The following INO80 variants were observed in gnomAD, a reference collection of about 807,000 sequenced individuals.
The protein encoded by INO80 is chromatin-remodeling ATPase INO80.
Under a neutral mutation model 203.4 loss-of-function variants are expected in INO80, and 20 were observed. The observed-to-expected ratio is 0.10, with a 90% CI of 0.07 to 0.14. The LOEUF (loss-of-function observed/expected upper bound fraction) is 0.14. Among genes scored for constraint, INO80 ranks in the 10% least tolerant of loss-of-function variants. The pLI is 1.00. For synonymous variants in INO80, 726 were observed against 685.2 expected (o/e 1.06, Z -0.93); for missense variants, 1,419 against 1,914.4 (o/e 0.74, Z 4.83).
chr15:40,984,148 T>C, intron 33 of INO80, 49 bp downstream of exon 33: 1 of 1,587,384 alleles, frequency 6.3e-7, no homozygotes, highest in Non-Finnish European at 8.6e-7. Context: ...TGCTACACGG[T>C]CAGGACACTC....
intron 24 of INO80, among the ~76,000 whole-genome samples, chr15:41,032,286 AG>A (rs2044499970): frequency 6.6e-6 from 1 of 152,234 alleles, no homozygotes; most frequent in African/African-American, 2.4e-5. Context: ...TGTCAAATTT[AG>A]ATACAGAGGA....
At chr15:41,041,599 C>G (rs2013359) in intron 24 of INO80, among the ~76,000 whole-genome samples, 22,721 of 151,692 alleles carry the variant, frequency 0.15, 1,948 homozygotes, top group South Asian at 0.26. Context: ...CACCGCCACG[C>G]CCAGCTAATT....
chr15:41,096,358 A>G lies in INO80; in HGVS notation c.-43-5T>C. 6.6e-7 allele frequency: 1 copy of G among 1,509,878 alleles called. No individual in the cohort carries two copies. Among genetic ancestry groups the G allele is most frequent in the East Asian group, 2.4e-5 (1 of 41,082 alleles). 93.5% of individuals were successfully genotyped at this position (1,509,878 alleles called of 1,614,324 possible). ...CAAGGACCTCCGACTGCACGGCTGC[A>G]GAACAGAGATAAGAAGTGAAAGATG... On this transcript the variant is annotated splice_region_variant and splice_polypyrimidine_tract_variant and intron_variant, in intron 1 of 35. Transcript: ENST00000648947.
intron 24 of INO80, among the ~76,000 whole-genome samples, chr15:41,040,885 A>G (rs2044655426): frequency 6.6e-6 from 1 of 152,210 alleles, no homozygotes; most frequent in South Asian, 2.1e-4. Flanking sequence ...AGAAAAATAC[A>G]GTCAGCCCAA....
chr15:40,981,760 T>C (rs1893841278), intron 35 of INO80, among the ~76,000 whole-genome samples: 1 of 152,210 alleles, frequency 6.6e-6, no homozygotes, highest in South Asian at 2.1e-4. Flanking sequence ...ACAGCCACTT[T>C]TTTCCTCAAA....
chr15:41,005,515 A>T, intron 28 of INO80, 78 bp downstream of exon 28: 3 of 514,492 alleles, frequency 5.8e-6, no homozygotes, highest in South Asian at 2.9e-5. Context: ...CTGGCATTTA[A>T]AAAAAAAAAA....
In INO80 at chr15:41,034,931, G is replaced by C. The variant is rs73401605; in HGVS notation, c.2908-7195C>G. ...AAGTTACATAATCAGAACTAATGTG[G>C]CAAATTAAATGAAAATACAGAGCTT... On this transcript the variant is annotated intron_variant, in intron 24 of 35. Transcript: ENST00000648947. 2.6e-3 allele frequency among the ~76,000 whole-genome samples: 389 copies of C among 152,146 alleles called. 2 individuals carry two copies. The highest frequency in any genetic ancestry group is 9.0e-3 in the African/African-American group (372 of 41,514).
In INO80 at chr15:41,040,634, G is replaced by A. The variant is rs115384178; in HGVS notation, c.2907+4270C>T. On this transcript the variant is annotated intron_variant, in intron 24 of 35. Coordinates refer to ENST00000648947, the MANE Select transcript of INO80 (RefSeq NM_017553.3). ...ATGCCTAAGTCCCAGCACTTTGGGAGGCTGAGGCCGGAGGATTGTTTGAGG... is the reference window on the plus strand; with the variant it reads ...ATGCCTAAGTCCCAGCACTTTGGGAAGCTGAGGCCGGAGGATTGTTTGAGG... Among the ~76,000 whole-genome samples, 317 of 152,340 alleles carry A rather than the reference G, an allele frequency of 2.1e-3. 1 individual carries two copies. The highest frequency in any genetic ancestry group is 7.2e-3 in the African/African-American group (299 of 41,590).
intron 24 of INO80, among the ~76,000 whole-genome samples, chr15:41,032,331 T>A (rs944537120): frequency 6.6e-6 from 1 of 152,190 alleles, no homozygotes; most frequent in African/African-American, 2.4e-5. Context: ...AGCACAGTGT[T>A]GATAAATCAG....
At chr15:41,035,540 G>C (rs1468219387) in intron 24 of INO80, among the ~76,000 whole-genome samples, 1 of 149,826 alleles carries the variant, frequency 6.7e-6, no homozygotes, top group African/African-American at 2.4e-5. Flanking sequence ...AAAAAAAAAA[G>C]ACCGGGCGCG....
At chr15:41,056,867 A>C (rs1237127823) in intron 16 of INO80, among the ~76,000 whole-genome samples, 161 bp from the exon 17 acceptor site, 1 of 152,236 alleles carries the variant, frequency 6.6e-6, no homozygotes, top group East Asian at 1.9e-4. Context: ...AACAAAGCTG[A>C]AAACAGGACA....
At chr15:41,065,874 C>T (rs538662434) in intron 14 of INO80, among the ~76,000 whole-genome samples, 4 of 151,868 alleles carry the variant, frequency 2.6e-5, no homozygotes, top group South Asian at 2.1e-4. Context: ...GTGAATAGAA[C>T]GTGATTGCTT....
chr15:40,992,962 T>G (rs2043835168), intron 29 of INO80, among the ~76,000 whole-genome samples: 1 of 152,072 alleles, frequency 6.6e-6, no homozygotes, highest in Non-Finnish European at 1.5e-5. Flanking sequence ...CTGACTAATT[T>G]AAAAAACTTT....
chr15:41,075,156 T>C (rs1355870458), intron 9 of INO80, among the ~76,000 whole-genome samples: 9 of 152,232 alleles, frequency 5.9e-5, no homozygotes, highest in Non-Finnish European at 8.8e-5. Context: ...TACTTTTCTA[T>C]GGTGGCACAG....
At chr15:41,079,326 C>G (rs750120602) in intron 9 of INO80, among the ~76,000 whole-genome samples, 20 of 152,172 alleles carry the variant, frequency 1.3e-4, no homozygotes, top group Non-Finnish European at 2.5e-4. Context: ...TTCTCTTTTG[C>G]TCATTCCTTT....
chr15:41,049,472 G>A (rs759138057), intron 20 of INO80, 52 bp from the exon 21 acceptor site: 13 of 1,552,680 alleles, frequency 8.4e-6, no homozygotes, highest in African/African-American at 6.8e-5. Flanking sequence ...GACATCATAC[G>A]TAATGACAGG....
At chr15:41,031,509 AGGAAGG>A in intron 24 of INO80, among the ~76,000 whole-genome samples, 1 of 88,644 alleles carries the variant, frequency 1.1e-5, no homozygotes, top group African/African-American at 4.5e-5. Context: ...AGGAGAAGGA[AGGAAGG>A]GGAAGGGAGG....
Position 41,095,849 on chromosome 15 carries a change from C to G in INO80, c.223G>C (p.Glu75Gln). 6.2e-7 allele frequency: 1 copy of G among 1,613,978 alleles called. No individual in the cohort carries two copies. Among genetic ancestry groups the G allele is most frequent in the Non-Finnish European group, 8.5e-7 (1 of 1,179,856 alleles). ...TCACCAAGCAATGAATTTGGAGGTT[C>G]TTCCTTAACTTGTATTAAGGGATCC... ...SGDPLIQVKE[E>Q]PPNSLLGETS... is the part of the protein sequence containing the mutation. The change falls in exon 3 of 36, where the codon GAA becomes CAA. Residue 75 changes from glutamate (E) to glutamine (Q), a missense_variant. Glu to Gln is a conservative substitution (Grantham distance 29). Around this residue, in one of 9 missense-constraint regions of INO80, gnomAD observed 323 missense variants for 325.4 expected, o/e 0.99. Coordinates refer to ENST00000648947, the MANE Select transcript of INO80 (RefSeq NM_017553.3).
chr15:41,079,592 A>C, intron 9 of INO80, 109 bp downstream of exon 9: 1 of 1,066,302 alleles, frequency 9.4e-7, no homozygotes, highest in Non-Finnish European at 1.4e-6. Flanking sequence ...AAAAAAAAAC[A>C]AAAAATTGAC....
Sources: gnomAD v4.1 joint callset for allele counts (sites outside exome capture counted in the v4.1 genomes callset) on GRCh38, gnomAD v4.1.1 for gene constraint, gnomAD v4.1.1 regional missense constraint, MANE v1.5 for transcripts, NCBI Gene and HGNC (gene_info 2026-07-23, HGNC 2026-07-21) for gene names.